Variants in SP3 observed in about 807,000 individuals in gnomAD.
SP3 encodes the protein transcription factor Sp3.
SP3 carries 10 observed loss-of-function variants against 70.3 expected under a neutral mutation model. That is an observed-to-expected ratio of 0.14 (90% CI 0.09 to 0.24). The LOEUF (loss-of-function observed/expected upper bound fraction) is 0.24, where lower values mean the gene tolerates loss of function less well. Ranked by LOEUF, SP3 falls within the 10% of genes least tolerant of loss-of-function variation. The probability of loss-of-function intolerance (pLI) is 1.00; values close to 1 mark genes in which losing one functional copy is unlikely to be tolerated. For missense variants in SP3, 825 were observed against 914.6 expected, an observed-to-expected ratio of 0.90 and a Z score of 1.26; for synonymous variants, 402 against 333.5, an observed-to-expected ratio of 1.21 and a Z score of -2.24.
chr2:173,963,682 G>T, intron 3 of SP3, 79 bp downstream of exon 3: 1 of 444,830 alleles, frequency 2.2e-6, no homozygotes, highest in Non-Finnish European at 3.0e-6. Flanking sequence ...CGCCGGGGAG[G>T]CCTTTTGGGC....
At chr2:173,911,418 A>G (rs537004724) in intron 6 of SP3, among the ~76,000 whole-genome samples, 1 of 152,176 alleles carries the variant, frequency 6.6e-6, no homozygotes, top group Non-Finnish European at 1.5e-5. Flanking sequence ...TTTTTCTACT[A>G]AAGTATTTCC....
At chr2:173,926,646 T>C (rs1479834247) in intron 4 of SP3, among the ~76,000 whole-genome samples, 1 of 152,076 alleles carries the variant, frequency 6.6e-6, no homozygotes, top group Non-Finnish European at 1.5e-5. Context: ...AAAAATAAAT[T>C]GGGCCACAAT....
At position 173,903,256 on chromosome 2, in the gene SP3, CTTAT is replaced by C. The variant is rs200543139; in HGVS notation, c.*6681_*6684del. On this transcript the variant is annotated 3_prime_UTR_variant, in exon 7 of 7. Coordinates refer to ENST00000310015, the MANE Select transcript of SP3 (RefSeq NM_003111.5). ...ATGGAAAGTGGTTTACATGCATTAA[CTTAT>C]TTATCTCCATAATCACTCTATGAAG... 5.5e-3 allele frequency among the ~76,000 whole-genome samples: 843 copies of C among 152,274 alleles called. 8 individuals carry two copies. Among genetic ancestry groups the C allele is most frequent in the African/African-American group, 0.019 (795 of 41,546 alleles).
intron 4 of SP3, among the ~76,000 whole-genome samples, chr2:173,951,550 T>TA (rs1490403578): frequency 5.3e-5 from 8 of 152,358 alleles, no homozygotes; most frequent in African/African-American, 1.9e-4. Context: ...AGAAGACATT[T>TA]AAAGTCTCAG....
At chr2:173,949,323 T>C (rs1373612133) in intron 4 of SP3, among the ~76,000 whole-genome samples, 1 of 148,870 alleles carries the variant, frequency 6.7e-6, no homozygotes, top group Non-Finnish European at 1.5e-5. Flanking sequence ...ACTTACCATG[T>C]AGAAAATACT....
Position 173,904,658 on chromosome 2 carries a change from A to G in SP3, c.*5283T>C, listed in dbSNP as rs920402385. 5.3e-5 allele frequency among the ~76,000 whole-genome samples: 8 copies of G among 152,234 alleles called. No homozygotes were observed. The highest frequency in any genetic ancestry group is 1.0e-4 in the Non-Finnish European group (7 of 68,040). Reference sequence around the variant, plus strand: ...TTTCCAATTCCAAATTCTCAGGAGAAATCATCTAATTGGCTCAACTTTGAC... The same window carrying G: ...TTTCCAATTCCAAATTCTCAGGAGAGATCATCTAATTGGCTCAACTTTGAC... On this transcript the variant is annotated 3_prime_UTR_variant, in exon 7 of 7. Transcript: ENST00000310015.
At chr2:173,933,118 G>A (rs974392596) in intron 4 of SP3, among the ~76,000 whole-genome samples, 6 of 152,126 alleles carry the variant, frequency 3.9e-5, no homozygotes, top group South Asian at 2.1e-4. Context: ...GCTCAAATGC[G>A]AGGTTGCCAC....
chr2:173,965,003 G>A, intron 1 of SP3, 162 bp downstream of exon 1: 1 of 880,284 alleles, frequency 1.1e-6, no homozygotes. Flanking sequence ...GGTGGCTGGC[G>A]GGGAGGGGAG....
chr2:173,960,677 T>C (rs73030155), intron 3 of SP3, among the ~76,000 whole-genome samples: 5,804 of 152,214 alleles, frequency 0.038, 173 homozygotes, highest in Admixed American at 0.1. Flanking sequence ...TTCATAATAG[T>C]CACTTATTTT....
chr2:173,922,009 G>A (rs2105463046), intron 4 of SP3, among the ~76,000 whole-genome samples: 1 of 152,202 alleles, frequency 6.6e-6, no homozygotes, highest in South Asian at 2.1e-4. Context: ...CCCAGACCCA[G>A]ATGCCAGCAC....
At chr2:173,924,328 C>T (rs1574403877) in intron 4 of SP3, among the ~76,000 whole-genome samples, 1 of 152,094 alleles carries the variant, frequency 6.6e-6, no homozygotes, top group Non-Finnish European at 1.5e-5. Context: ...ATATGTATTA[C>T]AGAAGATCTC....
At chr2:173,944,202 T>C (rs1194832386) in intron 4 of SP3, among the ~76,000 whole-genome samples, 1 of 152,178 alleles carries the variant, frequency 6.6e-6, no homozygotes, top group African/African-American at 2.4e-5. Context: ...ATTTATGAGA[T>C]TTATGAAAAC....
At position 173,910,287 on chromosome 2, in the gene SP3, T is replaced by A. The variant is rs137998852; in HGVS notation, c.2030-30A>T. ...TAAGAAAAAAATTAAGTTACTTGGTTTTAAAAATTCAACTTTAATAGCTCA... is the reference window on the plus strand; with the variant it reads ...TAAGAAAAAAATTAAGTTACTTGGTATTAAAAATTCAACTTTAATAGCTCA... On this transcript the variant is annotated intron_variant, in intron 6 of 6. Transcript: ENST00000310015. 5.1e-3 allele frequency: 8,243 copies of A among 1,602,628 alleles called. 28 individuals are homozygous for A. Among genetic ancestry groups the A allele is most frequent in the Non-Finnish European group, 5.8e-3 (6,799 of 1,172,486 alleles).
Position 173,904,416 on chromosome 2 carries a change from A to C in SP3, c.*5525T>G, listed in dbSNP as rs754378146. ...AGTAACAGCCTTCTGACTTAAGAAA[A>C]AACTAAGTTGGGGAGTCTCTCTGTA... is the stretch of plus-strand genomic sequence containing the variant. On this transcript the variant is annotated 3_prime_UTR_variant, in exon 7 of 7. Transcript: ENST00000310015. Among the ~76,000 whole-genome samples the C allele has an allele frequency of 6.6e-6, 1 of 151,640 alleles. No individual in the cohort carries two copies. The highest frequency in any genetic ancestry group is 1.5e-5 in the Non-Finnish European group (1 of 68,014).
intron 3 of SP3, among the ~76,000 whole-genome samples, chr2:173,958,609 T>C (rs767990818): frequency 1.6e-4 from 24 of 149,876 alleles, no homozygotes; most frequent in Non-Finnish European, 2.8e-4. Flanking sequence ...ACAGGTAATT[T>C]AAGGAAAAGA....
chr2:173,938,158 G>C (rs1342596939), intron 4 of SP3, among the ~76,000 whole-genome samples: 3 of 152,062 alleles, frequency 2.0e-5, no homozygotes, highest in Admixed American at 2.0e-4. Context: ...ATTGGTAGAG[G>C]TATGAAACAC....
At chr2:173,942,306 C>T (rs1001269147) in intron 4 of SP3, among the ~76,000 whole-genome samples, 2 of 152,206 alleles carry the variant, frequency 1.3e-5, no homozygotes, top group Non-Finnish European at 2.9e-5. Context: ...GCCTGTAAGC[C>T]TGTAATCCCA....
intron 5 of SP3, 128 bp downstream of exon 5, chr2:173,918,465 G>A (rs559156055): frequency 1.5e-5 from 12 of 787,654 alleles, no homozygotes; most frequent in South Asian, 1.1e-4. Context: ...TCTGCCACAC[G>A]CATACACACA....
chr2:173,929,149 AC>A (rs1689999984), intron 4 of SP3, among the ~76,000 whole-genome samples: 1 of 151,994 alleles, frequency 6.6e-6, no homozygotes, highest in East Asian at 1.9e-4. Flanking sequence ...GTGAAAGAAA[AC>A]GTGGCAAATC....
Sources: gnomAD v4.1 joint callset for allele counts (sites outside exome capture counted in the v4.1 genomes callset) on GRCh38, gnomAD v4.1.1 for gene constraint, MANE v1.5 for transcripts, NCBI Gene and HGNC (gene_info 2026-07-23, HGNC 2026-07-21) for gene names.